SCP2: variants seen among roughly 807,000 people sequenced by gnomAD.
SCP2 encodes SCP-2/3-oxoacyl-CoA thiolase.
SCP2 carries 48 observed loss-of-function variants against 71.4 expected under a neutral mutation model. The ratio of observed to expected loss-of-function variants is 0.67; its 90% CI spans 0.53 to 0.86. The LOEUF (loss-of-function observed/expected upper bound fraction) is 0.86. Among genes scored for constraint, SCP2 ranks in the 40% least tolerant of loss-of-function variants. SCP2 has a pLI of 0.00. For synonymous variants in SCP2, 220 were observed against 218.1 expected (o/e 1.01, Z -0.08); for missense variants, 560 against 655.6 (o/e 0.85, Z 1.59).
intron 9 of SCP2, among the ~76,000 whole-genome samples, chr1:52,979,814 T>C (rs1283045923): frequency 1.3e-5 from 2 of 152,144 alleles, no homozygotes; most frequent in Non-Finnish European, 2.9e-5. Context: ...CAAAATTGAA[T>C]ATGTACATCC....
At chr1:52,984,935 G>A (rs763967286) in intron 10 of SCP2, among the ~76,000 whole-genome samples, 1 of 150,814 alleles carries the variant, frequency 6.6e-6, no homozygotes, top group African/African-American at 2.4e-5. Context: ...CCCTTCTCAG[G>A]TTCAGGCGAT....
rs12027834 is a variant in SCP2 at position 52,984,532 on chromosome 1, C to T, written c.974-3497C>T. Among the ~76,000 whole-genome samples the T allele has an allele frequency of 0.025, 3,733 of 150,868 alleles. 338 individuals are homozygous for T. In the East Asian group the frequency reaches 0.32, roughly 13 times the overall value. ...TGTAGATACAGATATAAAATGATTA[C>T]TTTCTTTTTTTTTTTTTTCTTTGAG... On this transcript the variant is annotated intron_variant, in intron 10 of 15. Transcript: ENST00000371514.
chr1:52,949,524 T>C (rs1395917550), intron 3 of SCP2, among the ~76,000 whole-genome samples: 2 of 152,178 alleles, frequency 1.3e-5, no homozygotes, highest in African/African-American at 4.8e-5. Flanking sequence ...ACAGGGTCAT[T>C]TATAACCTGA....
At chr1:53,013,798 T>A (rs1661139417) in intron 11 of SCP2, among the ~76,000 whole-genome samples, 1 of 151,416 alleles carries the variant, frequency 6.6e-6, no homozygotes, top group African/African-American at 2.4e-5. Flanking sequence ...ACTCAGGAAT[T>A]GGAAGTTGTG....
intron 3 of SCP2, among the ~76,000 whole-genome samples, chr1:52,949,623 CT>C (rs1327013699): frequency 1.3e-5 from 2 of 152,054 alleles, no homozygotes; most frequent in Admixed American, 6.6e-5. Context: ...CAACTTAGAA[CT>C]TTTTAAAAGA....
intron 12 of SCP2, among the ~76,000 whole-genome samples, chr1:53,024,573 TTTTC>T (rs1661984032): frequency 2.1e-5 from 3 of 140,102 alleles, no homozygotes; most frequent in Admixed American, 7.5e-5. Flanking sequence ...CTTTCTTTTT[TTTTC>T]TTTTTTTTTT....
intron 11 of SCP2, among the ~76,000 whole-genome samples, chr1:53,002,846 G>A (rs567446769): frequency 3.3e-5 from 5 of 152,250 alleles, no homozygotes; most frequent in African/African-American, 9.6e-5. Context: ...CCAAGGGACC[G>A]AGCATTTTCA....
intron 11 of SCP2, among the ~76,000 whole-genome samples, chr1:53,000,954 C>A (rs927087577): frequency 1.3e-5 from 2 of 151,552 alleles, no homozygotes; most frequent in East Asian, 3.9e-4. Flanking sequence ...GACTTTGTCT[C>A]CAAAAAAAGA....
At chr1:53,036,970 C>T (rs540218141) in intron 13 of SCP2, among the ~76,000 whole-genome samples, 8 of 151,878 alleles carry the variant, frequency 5.3e-5, no homozygotes, top group African/African-American at 1.2e-4. Flanking sequence ...AGTGAAACCC[C>T]GTCTCTACTA....
chr1:52,992,887 G>A lies in SCP2; in HGVS notation c.1081+4751G>A, dbSNP rs113776266. Among the ~76,000 whole-genome samples the A allele has an allele frequency of 6.2e-3, 948 of 152,158 alleles. 14 individuals are homozygous for A. Among genetic ancestry groups the A allele is most frequent in the African/African-American group, 0.022 (911 of 41,502 alleles). ...ACCTGTAGCTTCAGCTTGGCAAACA[G>A]CTTAGATTCCAAAACTGATTCATCT... On this transcript the variant is annotated intron_variant, in intron 11 of 15. Coordinates refer to ENST00000371514, the MANE Select transcript of SCP2 (RefSeq NM_002979.5).
chr1:52,985,686 C>T (rs1658926140), intron 10 of SCP2, among the ~76,000 whole-genome samples: 1 of 152,202 alleles, frequency 6.6e-6, no homozygotes, highest in South Asian at 2.1e-4. Context: ...CCATCTCTGA[C>T]TTCCTCTGCT....
intron 14 of SCP2, 107 bp downstream of exon 14, chr1:53,039,153 A>G: frequency 7.4e-7 from 1 of 1,345,374 alleles, no homozygotes; most frequent in African/African-American, 1.4e-5. Flanking sequence ...ACTGGCTTTT[A>G]ATGTTAAAGA....
At chr1:52,960,715 T>TAC (rs1553146006) in intron 5 of SCP2, among the ~76,000 whole-genome samples, 2 of 144,888 alleles carry the variant, frequency 1.4e-5, no homozygotes, top group Non-Finnish European at 3.0e-5. Context: ...ATATATTATG[T>TAC]GCGTGTGTGT....
At chr1:52,942,694 GTTTTTTTTTTTT>G (rs147939561) in intron 2 of SCP2, among the ~76,000 whole-genome samples, 1 of 120,568 alleles carries the variant, frequency 8.3e-6, no homozygotes, top group African/African-American at 3.2e-5. Flanking sequence ...AATTTAACAG[GTTTTTTTTTTTT>G]TTTTTTTTTG....
Position 52,988,146 on chromosome 1 carries a change from C to T in SCP2, c.1081+10C>T. On this transcript the variant is annotated intron_variant, in intron 11 of 15. Coordinates refer to ENST00000371514, the MANE Select transcript of SCP2 (RefSeq NM_002979.5). ...CCACTAGGCGCTACAGGTAATGCTA[C>T]ATACAGATTTCATACATTTTAAAAT... 7.7e-7 allele frequency: 1 copy of T among 1,296,886 alleles called. No homozygotes were observed. The highest frequency in any genetic ancestry group is 1.1e-6 in the Non-Finnish European group (1 of 891,366). 80.3% of individuals were successfully genotyped at this position (1,296,886 alleles called of 1,614,324 possible). A position where few individuals can be genotyped will look rare whatever the true frequency, so the allele number is the denominator to read the frequency against.
At chr1:52,984,729 G>T (rs1327964206) in intron 10 of SCP2, among the ~76,000 whole-genome samples, 1 of 151,244 alleles carries the variant, frequency 6.6e-6, no homozygotes, top group Non-Finnish European at 1.5e-5. Flanking sequence ...TAGAGACGGG[G>T]TTTCACCATG....
rs561858310 is a variant in SCP2 at position 52,976,423 on chromosome 1, A to AT, written c.588-259dup. Among the ~76,000 whole-genome samples the AT allele has an allele frequency of 8.5e-5, 13 of 152,324 alleles. No homozygotes were observed. The South Asian group carries it at 2.7e-3, about 32-fold the overall frequency. Reference sequence around the variant, plus strand: ...TCATTAGCATAACAAAGACACTTCTATCATTCAGGAAATTCCAAGGGCTTT... The same window carrying AT: ...TCATTAGCATAACAAAGACACTTCTATTCATTCAGGAAATTCCAAGGGCTTT... On this transcript the variant is annotated intron_variant, in intron 7 of 15. Coordinates refer to ENST00000371514, the MANE Select transcript of SCP2 (RefSeq NM_002979.5).
intron 15 of SCP2, 86 bp from the exon 16 acceptor site, chr1:53,050,523 A>T: frequency 1.2e-6 from 1 of 850,136 alleles, no homozygotes; most frequent in South Asian, 1.4e-5. Context: ...GGATAAATAA[A>T]TGATCTCAGG....
intron 6 of SCP2, among the ~76,000 whole-genome samples, 179 bp from the exon 7 acceptor site, chr1:52,974,590 C>T (rs760098246): frequency 6.6e-5 from 10 of 152,044 alleles, no homozygotes; most frequent in Non-Finnish European, 1.2e-4. Context: ...TAATTAGGCC[C>T]ACATTTAATT....
Sources: gnomAD v4.1 joint callset for allele counts (sites outside exome capture counted in the v4.1 genomes callset) on GRCh38, gnomAD v4.1.1 for gene constraint, MANE v1.5 for transcripts, NCBI Gene and HGNC (gene_info 2026-07-23, HGNC 2026-07-21) for gene names.